PCDHGA10: variants seen among roughly 807,000 people sequenced by gnomAD.
PCDHGA10 encodes protocadherin gamma subfamily A, 10.
A neutral mutation model predicts 59.5 loss-of-function variants in PCDHGA10; 42 were observed. The ratio of observed to expected loss-of-function variants is 0.71; its 90% confidence interval spans 0.55 to 0.91. The LOEUF is 0.91. Ranked by LOEUF, PCDHGA10 falls within the 40% of genes least tolerant of loss-of-function variation. The pLI, the probability that PCDHGA10 is intolerant of heterozygous loss-of-function variation, is 0.00. For synonymous variants in PCDHGA10, 511 were observed against 517.2 expected (o/e 0.99, Z 0.16); for missense variants, 1,111 against 1,198.2 (o/e 0.93, Z 1.07).
intron 2 of PCDHGA10, among the ~76,000 whole-genome samples, chr5:141,501,907 G>T (rs4912761): frequency 0.59 from 89,145 of 151,782 alleles, 27,774 homozygotes; most frequent in African/African-American, 0.8. Context: ...CAACCCCACT[G>T]TTCCACTCAG....
intron 1 of PCDHGA10, chr5:141,441,529 A>C (rs1042479748): frequency 4.6e-5 from 8 of 172,366 alleles, no homozygotes; most frequent in African/African-American, 1.9e-4. Flanking sequence ...GGCCAAGAAC[A>C]ATCTTCCCAA....
At position 141,485,698 on chromosome 5, in the gene PCDHGA10, T is replaced by C. The variant is rs1175015922; in HGVS notation, c.2437-9109T>C. ...TTAGCAGCTATAGGCTGAGCTCCAA[T>C]GAACACTTTGCACTGGATGTGAAGA... On this transcript the variant is annotated intron_variant, in intron 1 of 3. Transcript: ENST00000398610. This position sits in a 1 kb window ranked among gnomAD's most constrained non-coding sequence, Gnocchi z 5.7. 6.2e-7 allele frequency: 1 copy of C among 1,613,994 alleles called. No homozygotes were observed. The highest frequency in any genetic ancestry group is 8.5e-7 in the Non-Finnish European group (1 of 1,180,002).
chr5:141,477,705 G>A lies in PCDHGA10; in HGVS notation c.2437-17102G>A, dbSNP rs1285254654. On this transcript the variant is annotated intron_variant, in intron 1 of 3. Coordinates refer to ENST00000398610, the MANE Select transcript of PCDHGA10 (RefSeq NM_018913.3). The surrounding 1 kb of genome is among the most constrained non-coding windows in gnomAD (Gnocchi z 4.9). ...TTAGTGCCCCTAGACTATGAGGATCGGCGGGAATTTGAATTAACAGCTCAT... is the reference window on the plus strand; with the variant it reads ...TTAGTGCCCCTAGACTATGAGGATCAGCGGGAATTTGAATTAACAGCTCAT... The A allele has an allele frequency of 6.2e-7, 1 of 1,614,008 alleles. No homozygotes were observed. Among genetic ancestry groups the A allele is most frequent in the Non-Finnish European group, 8.5e-7 (1 of 1,180,048 alleles).
intron 1 of PCDHGA10, chr5:141,417,389 A>C (rs578088616): frequency 2.5e-4 from 39 of 154,566 alleles, no homozygotes; most frequent in Admixed American, 4.5e-4. Flanking sequence ...ATTTTGAAGA[A>C]AAAATATTCA....
At chr5:141,421,651 A>G in intron 1 of PCDHGA10, 1 of 1,613,868 alleles carries the variant, frequency 6.2e-7, no homozygotes, top group Non-Finnish European at 8.5e-7. Flanking sequence ...AGTGGAGATA[A>G]AAGTCAGTGA....
Position 141,491,504 on chromosome 5 carries a change from G to T in PCDHGA10, c.2437-3303G>T. 6.2e-7 allele frequency: 1 copy of T among 1,614,048 alleles called. No homozygotes were observed. The highest frequency in any genetic ancestry group is 2.2e-5 in the East Asian group (1 of 44,876). Reference sequence around the variant, plus strand: ...CCCAACCTGCAGGTGAGCTCGGACGGCACGCTCAAGTACATGGAGGTGACG... The same window carrying T: ...CCCAACCTGCAGGTGAGCTCGGACGTCACGCTCAAGTACATGGAGGTGACG... On this transcript the variant is annotated intron_variant, in intron 1 of 3. Transcript: ENST00000398610. The surrounding 1 kb of genome is among the most constrained non-coding windows in gnomAD (Gnocchi z 6.9).
At chr5:141,458,694 C>G (rs905547768) in intron 1 of PCDHGA10, among the ~76,000 whole-genome samples, 1 of 152,136 alleles carries the variant, frequency 6.6e-6, no homozygotes, top group East Asian at 1.9e-4. Context: ...CTCAGCCTCC[C>G]GAGTAGCTGG....
At chr5:141,488,599 C>T (rs1017044328) in intron 1 of PCDHGA10, among the ~76,000 whole-genome samples, 1 of 152,152 alleles carries the variant, frequency 6.6e-6, no homozygotes, top group Non-Finnish European at 1.5e-5. Flanking sequence ...CAAGACTTTA[C>T]AAGGTTCTTA....
intron 2 of PCDHGA10, among the ~76,000 whole-genome samples, chr5:141,500,046 T>C (rs959260262): frequency 1.3e-5 from 2 of 152,098 alleles, no homozygotes; most frequent in African/African-American, 4.8e-5. Context: ...TTAAGTATCT[T>C]AATGCTCTTT....
At chr5:141,498,967 GGGAGGGAAGGAA>G (rs1374222518) in intron 2 of PCDHGA10, among the ~76,000 whole-genome samples, 13 of 129,674 alleles carry the variant, frequency 1.0e-4, no homozygotes, top group South Asian at 5.5e-4. Context: ...GAGGGAGGGA[GGGAGGGAAGGAA>G]GGAAGGAAGG....
chr5:141,433,939 A>T (rs1015984226), intron 1 of PCDHGA10, among the ~76,000 whole-genome samples: 2 of 151,714 alleles, frequency 1.3e-5, no homozygotes, highest in Non-Finnish European at 2.9e-5. Context: ...TTATAATTCC[A>T]TTGTTTCTTC....
chr5:141,489,636 C>A lies in PCDHGA10; in HGVS notation c.2437-5171C>A, dbSNP rs753380268. 3.8e-5 allele frequency: 62 copies of A among 1,614,074 alleles called. No individual in the cohort carries two copies. The highest frequency in any genetic ancestry group is 5.1e-5 in the Non-Finnish European group (60 of 1,180,038). ...TGGATCTCAATGACAACTCTCCTAG[C>A]TTTGCCACCCCTGAGCGAGAGATGC... is the stretch of plus-strand genomic sequence containing the variant. On this transcript the variant is annotated intron_variant, in intron 1 of 3. Coordinates refer to ENST00000398610, the MANE Select transcript of PCDHGA10 (RefSeq NM_018913.3). The surrounding 1 kb of genome is among the most constrained non-coding windows in gnomAD (Gnocchi z 4.5).
chr5:141,468,330 CAA>C lies in PCDHGA10; in HGVS notation c.2437-26459_2437-26458del, dbSNP rs533390277. 202 of 79,822 alleles carry C rather than the reference CAA, an allele frequency of 2.5e-3. 2 individuals are homozygous for C. The highest frequency in any genetic ancestry group is 7.9e-3 in the Middle Eastern group (1 of 126). The allele number at this position is 79,822 out of a possible 1,614,324, so 4.9% of individuals were successfully genotyped here. Reference sequence around the variant, plus strand: ...ACAAGAGCAACGGTAAACTCCATCTCAAAAAAAAAAAAAAAAAAAGAAAGAAA... The same window carrying C: ...ACAAGAGCAACGGTAAACTCCATCTCAAAAAAAAAAAAAAAAAGAAAGAAA... On this transcript the variant is annotated intron_variant, in intron 1 of 3. Transcript: ENST00000398610.
chr5:141,499,485 A>G (rs1278629076), intron 2 of PCDHGA10, among the ~76,000 whole-genome samples: 2 of 152,226 alleles, frequency 1.3e-5, no homozygotes, highest in Non-Finnish European at 2.9e-5. Flanking sequence ...ACCACCAACT[A>G]CAGTTTAATA....
At chr5:141,433,951 A>G (rs2097667078) in intron 1 of PCDHGA10, among the ~76,000 whole-genome samples, 1 of 152,032 alleles carries the variant, frequency 6.6e-6, no homozygotes, top group African/African-American at 2.4e-5. Context: ...TGTTTCTTCT[A>G]CAGTTGTTAA....
chr5:141,482,728 A>T (rs192207285), intron 1 of PCDHGA10, among the ~76,000 whole-genome samples: 97 of 128,396 alleles, frequency 7.6e-4, no homozygotes, highest in Admixed American at 3.3e-3. Context: ...GGGCCATTGC[A>T]AGAAATTCCA....
chr5:141,421,071 A>G (rs1197006989), intron 1 of PCDHGA10: 1 of 608,760 alleles, frequency 1.6e-6, no homozygotes, highest in East Asian at 2.9e-5. Flanking sequence ...GCGGAATGAG[A>G]TGGATACTCA....
chr5:141,474,403 C>G (rs553745731), intron 1 of PCDHGA10, among the ~76,000 whole-genome samples: 6 of 152,166 alleles, frequency 3.9e-5, no homozygotes, highest in Non-Finnish European at 5.9e-5. Context: ...ACAAGCTCCC[C>G]GGTGATGCCT....
At chr5:141,482,239 A>G (rs529504334) in intron 1 of PCDHGA10, among the ~76,000 whole-genome samples, 31 of 152,332 alleles carry the variant, frequency 2.0e-4, no homozygotes, top group Middle Eastern at 3.4e-3. Context: ...TGCCAATATA[A>G]GTATAGTACT....
Sources: allele counts gnomAD v4.1 joint callset (sites outside exome capture counted in the v4.1 genomes callset), GRCh38; gene constraint gnomAD v4.1.1; non-coding constraint Gnocchi (gnomAD v3.1); transcripts MANE v1.5; gene names NCBI Gene and HGNC (gene_info 2026-07-23, HGNC 2026-07-21).